GRIPAP1: variants seen among roughly 807,000 people sequenced by gnomAD.
The protein encoded by GRIPAP1 is GRIP1-associated protein 1.
GRIPAP1 carries 14 observed loss-of-function variants against 84.1 expected under a neutral mutation model. The observed-to-expected ratio is 0.17, with a 90% CI of 0.11 to 0.26. The LOEUF is 0.26. Among genes scored for constraint, GRIPAP1 ranks in the 10% least tolerant of loss-of-function variants. GRIPAP1 has a pLI of 1.00. For missense variants in GRIPAP1, 518 were observed against 674.2 expected (o/e 0.77, Z 2.57); for synonymous variants, 261 against 256.8 (o/e 1.02, Z -0.15).
chrX:48,975,064 G>T, intron 25 of GRIPAP1, 91 bp downstream of exon 25: 1 of 889,032 alleles, frequency 1.1e-6, no homozygotes, highest in Non-Finnish European at 1.6e-6. Flanking sequence ...GGGTGGGTGG[G>T]CAAGGGGACT....
rs782243721 is a variant in GRIPAP1 at position 48,997,362 on chromosome X, A to G, written c.199-5T>C. 9.4e-7 allele frequency: 1 copy of G among 1,067,761 alleles called. No individual in the cohort carries two copies. Among genetic ancestry groups the G allele is most frequent in the Middle Eastern group, 2.4e-4 (1 of 4,083 alleles). 88.0% of individuals were successfully genotyped at this position (1,067,761 alleles called of 1,213,427 possible). Reference sequence around the variant, plus strand: ...ACTCAGCAATACCTCGACTTCCTGCAGTGGCAGACAAGGGCCAGGACTCCA... The same window carrying G: ...ACTCAGCAATACCTCGACTTCCTGCGGTGGCAGACAAGGGCCAGGACTCCA... On this transcript the variant is annotated splice_polypyrimidine_tract_variant and splice_region_variant and intron_variant, in intron 4 of 25. Coordinates refer to ENST00000376423, the MANE Select transcript of GRIPAP1 (RefSeq NM_020137.5).
chrX:48,989,946 A>G, intron 9 of GRIPAP1, 26 bp downstream of exon 9: 1 of 1,204,950 alleles, frequency 8.3e-7, no homozygotes, highest in Non-Finnish European at 1.1e-6. Flanking sequence ...CTCGGCCCCC[A>G]GTACCCTTGG....
At chrX:48,978,178 G>T in intron 22 of GRIPAP1, 127 bp downstream of exon 22, 1 of 731,951 alleles carries the variant, frequency 1.4e-6, no homozygotes, top group Non-Finnish European at 2.0e-6. Context: ...TTGGGGAAAA[G>T]TTGACAAGAA....
At chrX:48,997,490 G>T in intron 4 of GRIPAP1, 133 bp from the exon 5 acceptor site, 1 of 467,552 alleles carries the variant, frequency 2.1e-6, no homozygotes, top group Non-Finnish European at 3.8e-6. Context: ...GGTGATATAG[G>T]AGAAAGAGAC....
At chrX:48,998,039 TAGC>T (rs1277426351) in intron 4 of GRIPAP1, 112 bp downstream of exon 4, 1 of 577,450 alleles carries the variant, frequency 1.7e-6, no homozygotes, top group Non-Finnish European at 3.1e-6. Flanking sequence ...AGTGAGGTAG[TAGC>T]AGATGTAAAG....
chrX:48,989,373 A>G (rs189156750), intron 11 of GRIPAP1, among the ~76,000 whole-genome samples: 6 of 110,777 alleles, frequency 5.4e-5, no homozygotes, highest in African/African-American at 2.0e-4. Flanking sequence ...ATTTACACAA[A>G]CTTATAGCAC....
chrX:49,002,148 G>A (rs1180071439), intron 1 of GRIPAP1, 40 bp downstream of exon 1: 6 of 988,385 alleles, frequency 6.1e-6, no homozygotes, highest in Non-Finnish European at 8.5e-6. Flanking sequence ...CCCCGCCCCC[G>A]GTCGCCTAGC....
At chrX:48,975,667 A>G (rs2064418201) in intron 24 of GRIPAP1, 2 of 330,735 alleles carry the variant, frequency 6.0e-6, no homozygotes, top group African/African-American at 5.3e-5. Context: ...ACAGAGAAGG[A>G]AAACAATATA....
intron 13 of GRIPAP1, among the ~76,000 whole-genome samples, chrX:48,986,466 A>C (rs1028183251): frequency 1.5e-4 from 17 of 110,241 alleles, no homozygotes; most frequent in African/African-American, 5.6e-4. Context: ...ATCTCGGCTC[A>C]CTATAACCTC....
chrX:48,987,171 C>T (rs1375603497), intron 13 of GRIPAP1, among the ~76,000 whole-genome samples: 4 of 63,088 alleles, frequency 6.3e-5, no homozygotes, highest in Non-Finnish European at 8.4e-5. Context: ...TTTTTTTAGA[C>T]GGAGTCTCGC....
At chrX:48,979,284 T>C (rs1175420438) in intron 21 of GRIPAP1, among the ~76,000 whole-genome samples, 4 of 107,465 alleles carry the variant, frequency 3.7e-5, no homozygotes, top group Non-Finnish European at 7.7e-5. Flanking sequence ...GAGACCATCC[T>C]GGCTAAAACG....
At chrX:48,995,017 GAGTGGAGATCATT>G (rs2064540109) in intron 5 of GRIPAP1, among the ~76,000 whole-genome samples, 1 of 112,192 alleles carries the variant, frequency 8.9e-6, no homozygotes, top group Non-Finnish European at 1.9e-5. Flanking sequence ...AGCTACCCAA[GAGTGGAGATCATT>G]CTGTGCTGCT....
At chrX:48,984,714 CA>C (rs782364425) in intron 14 of GRIPAP1, among the ~76,000 whole-genome samples, 298 of 15,871 alleles carry the variant, frequency 0.019, no homozygotes, top group African/African-American at 0.043. Context: ...GACTCCATCT[CA>C]AAAAAAAAAA....
At chrX:48,974,896 G>A (rs1329890166) in intron 25 of GRIPAP1, among the ~76,000 whole-genome samples, 2 of 111,781 alleles carry the variant, frequency 1.8e-5, no homozygotes, top group Non-Finnish European at 3.8e-5. Context: ...AGATTGGGTA[G>A]ATGGACAGAT....
chrX:48,988,516 C>G (rs1298228573), intron 11 of GRIPAP1: 1 of 256,527 alleles, frequency 3.9e-6, no homozygotes, highest in Non-Finnish European at 7.1e-6. Context: ...AGCTTGGGAG[C>G]TCCAGGATTC....
chrX:48,994,508 G>A (rs1324709479), intron 5 of GRIPAP1, among the ~76,000 whole-genome samples: 2 of 111,518 alleles, frequency 1.8e-5, no homozygotes, highest in African/African-American at 6.5e-5. Context: ...ACAGGCATGA[G>A]CCACCGCACC....
chrX:48,991,190 G>T, intron 6 of GRIPAP1, 80 bp from the exon 7 acceptor site: 1 of 696,100 alleles, frequency 1.4e-6, no homozygotes, highest in Non-Finnish European at 2.3e-6. Context: ...AGGGAGAACT[G>T]GCCTTCAACC....
At chrX:48,979,672 C>T (rs901692565) in intron 21 of GRIPAP1, among the ~76,000 whole-genome samples, 6 of 105,005 alleles carry the variant, frequency 5.7e-5, no homozygotes, top group African/African-American at 1.7e-4. Context: ...AGTACAATGG[C>T]GCAATCTCGG....
chrX:48,982,875 C>A (rs1300599864), intron 17 of GRIPAP1, 104 bp downstream of exon 17: 2 of 529,728 alleles, frequency 3.8e-6, no homozygotes, highest in East Asian at 3.5e-5. Context: ...ATCCCTAAGT[C>A]CAGAAAATCT....
Sources: gnomAD v4.1 joint callset for allele counts (sites outside exome capture counted in the v4.1 genomes callset) on GRCh38, gnomAD v4.1.1 for gene constraint, MANE v1.5 for transcripts, NCBI Gene and HGNC (gene_info 2026-07-23, HGNC 2026-07-21) for gene names.